TPD52: variants seen among roughly 807,000 people sequenced by gnomAD.
TPD52 encodes tumor protein D52, also known as prostate and colon associated protein.
TPD52 carries 17 observed loss-of-function variants against 31.3 expected under a neutral mutation model. That is an observed-to-expected ratio of 0.54 (90% confidence interval 0.37 to 0.82). The LOEUF (loss-of-function observed/expected upper bound fraction) is 0.82, where lower values mean the gene tolerates loss of function less well. TPD52 is among the 40% of genes least tolerant of loss of function. TPD52 has a pLI of 0.00. For missense variants in TPD52, 212 were observed against 240.1 expected, an observed-to-expected ratio of 0.88 and a Z score of 0.77; for synonymous variants, 83 against 89.6, an observed-to-expected ratio of 0.93 and a Z score of 0.42.
Position 80,038,031 on chromosome 8 carries a change from A to C in TPD52, c.*85T>G. ...GCTAAATAAAAGCACATCTGGTAGA[A>C]ATTCATGGCAATGCATGTTGACAAG... On this transcript the variant is annotated 3_prime_UTR_variant, in exon 8 of 8. Coordinates refer to ENST00000518937, the MANE Select transcript of TPD52 (RefSeq NM_001025253.3). The C allele has an allele frequency of 6.5e-7, 1 of 1,546,238 alleles. No individual in the cohort carries two copies. Among genetic ancestry groups the C allele is most frequent in the South Asian group, 1.2e-5 (1 of 84,852 alleles).
chr8:80,156,299 T>C (rs901578069), intron 1 of TPD52, among the ~76,000 whole-genome samples: 10 of 152,148 alleles, frequency 6.6e-5, no homozygotes, highest in African/African-American at 2.2e-4. Context: ...TCGCTCAGGG[T>C]TCTCAAGGCA....
intron 1 of TPD52, among the ~76,000 whole-genome samples, chr8:80,069,710 T>C (rs1370105111): frequency 1.3e-5 from 2 of 152,204 alleles, no homozygotes; most frequent in African/African-American, 4.8e-5. Flanking sequence ...GCATATTTTA[T>C]ACTTAATGAA....
intron 1 of TPD52, among the ~76,000 whole-genome samples, chr8:80,103,440 C>T (rs1264712340): frequency 6.6e-6 from 1 of 152,230 alleles, no homozygotes; most frequent in African/African-American, 2.4e-5. Flanking sequence ...AGTGCTAGCC[C>T]CTTGTGGTCT....
At chr8:80,164,050 G>GAGAC in intron 1 of TPD52, among the ~76,000 whole-genome samples, 1 of 138,352 alleles carries the variant, frequency 7.2e-6, no homozygotes, top group East Asian at 2.1e-4. Context: ...GAGAGAGAGA[G>GAGAC]AGAGACAGAC....
intron 1 of TPD52, among the ~76,000 whole-genome samples, chr8:80,110,259 T>C (rs1483839180): frequency 6.6e-6 from 1 of 152,202 alleles, no homozygotes; most frequent in Non-Finnish European, 1.5e-5. Context: ...GTAGTCATCA[T>C]TATAATCTTC....
At chr8:80,058,034 C>A (rs1812092540) in intron 2 of TPD52, among the ~76,000 whole-genome samples, 1 of 152,068 alleles carries the variant, frequency 6.6e-6, no homozygotes, top group South Asian at 2.1e-4. Context: ...CAGTTTAACG[C>A]CTCCCACACA....
intron 2 of TPD52, among the ~76,000 whole-genome samples, chr8:80,059,991 G>T (rs547185046): frequency 1.3e-4 from 20 of 151,714 alleles, no homozygotes; most frequent in African/African-American, 2.4e-5. Context: ...TGAGGTACAA[G>T]AATTGCTTGA....
At chr8:80,171,074 A>C in intron 1 of TPD52, 1 of 577,746 alleles carries the variant, frequency 1.7e-6, no homozygotes, top group South Asian at 1.8e-5. Context: ...AGTCACTTAC[A>C]GGAGCTGGCT....
chr8:80,160,889 CAAA>C (rs58923055), intron 1 of TPD52, among the ~76,000 whole-genome samples: 31,790 of 94,912 alleles, frequency 0.33, 3,876 homozygotes, highest in East Asian at 0.57. Flanking sequence ...ACTAAAAATA[CAAA>C]AAAAAAAAAA....
intron 7 of TPD52, among the ~76,000 whole-genome samples, chr8:80,041,253 G>A (rs1810357762): frequency 6.6e-6 from 1 of 152,016 alleles, no homozygotes; most frequent in Non-Finnish European, 1.5e-5. Flanking sequence ...TAACAAGCCT[G>A]CACATTCTGC....
chr8:80,099,387 A>T (rs150266534), intron 1 of TPD52, among the ~76,000 whole-genome samples: 65 of 152,274 alleles, frequency 4.3e-4, no homozygotes, highest in Non-Finnish European at 8.4e-4. Flanking sequence ...AACAAAAAAC[A>T]CAATGTTTTG....
At chr8:80,128,494 C>CA (rs3053828) in intron 1 of TPD52, among the ~76,000 whole-genome samples, 2,013 of 83,084 alleles carry the variant, frequency 0.024, 63 homozygotes, top group Non-Finnish European at 0.035. Context: ...CCTGTCTCTA[C>CA]AAAAAAAAAA....
At chr8:80,150,126 C>T (rs1359669539) in intron 1 of TPD52, among the ~76,000 whole-genome samples, 1 of 152,188 alleles carries the variant, frequency 6.6e-6, no homozygotes, top group African/African-American at 2.4e-5. Flanking sequence ...GTCCTGTGTC[C>T]CAGCTTCTCC....
intron 1 of TPD52, among the ~76,000 whole-genome samples, chr8:80,152,414 CA>C (rs1563664540): frequency 6.6e-6 from 1 of 152,078 alleles, no homozygotes; most frequent in Non-Finnish European, 1.5e-5. Context: ...TTCCCAACAA[CA>C]AAAAACACCC....
At chr8:80,104,142 C>T (rs1806934803) in intron 1 of TPD52, among the ~76,000 whole-genome samples, 1 of 151,358 alleles carries the variant, frequency 6.6e-6, no homozygotes, top group Non-Finnish European at 1.5e-5. Flanking sequence ...GTGTGGATCT[C>T]TAGAGCTGTC....
chr8:80,170,040 T>C (rs1811972858), intron 1 of TPD52, among the ~76,000 whole-genome samples: 1 of 152,218 alleles, frequency 6.6e-6, no homozygotes, highest in Non-Finnish European at 1.5e-5. Flanking sequence ...TGTAAGCACT[T>C]GTGTTAAGTC....
intron 1 of TPD52, among the ~76,000 whole-genome samples, chr8:80,087,592 G>A (rs1815911449): frequency 6.6e-6 from 1 of 152,236 alleles, no homozygotes; most frequent in African/African-American, 2.4e-5. Context: ...GCAATCACGG[G>A]GGCAGGGCCT....
At chr8:80,102,685 C>T (rs140955950) in intron 1 of TPD52, among the ~76,000 whole-genome samples, 6 of 152,246 alleles carry the variant, frequency 3.9e-5, no homozygotes, top group African/African-American at 1.4e-4. Context: ...CCAGAGTGAT[C>T]AGAGTGTCTT....
intron 1 of TPD52, among the ~76,000 whole-genome samples, chr8:80,090,379 A>G (rs1042647831): frequency 6.6e-6 from 1 of 152,164 alleles, no homozygotes. Context: ...AAAAACAAAT[A>G]AATAAAGTTT....
Sources: gnomAD v4.1 joint callset for allele counts (sites outside exome capture counted in the v4.1 genomes callset) on GRCh38, gnomAD v4.1.1 for gene constraint, MANE v1.5 for transcripts, NCBI Gene and HGNC (gene_info 2026-07-23, HGNC 2026-07-21) for gene names.